The following DLGAP2 variants were observed in gnomAD, a reference collection of about 807,000 sequenced individuals.
DLGAP2 encodes the protein disks large-associated protein 2.
Under a neutral mutation model 100.3 loss-of-function variants are expected in DLGAP2, and 26 were observed. The ratio of observed to expected loss-of-function variants is 0.26; its 90% CI spans 0.19 to 0.36. The LOEUF is 0.36. Among genes scored for constraint, DLGAP2 ranks in the 10% least tolerant of loss-of-function variants. The probability of loss-of-function intolerance (pLI) is 1.00; values close to 1 mark genes in which losing one functional copy is unlikely to be tolerated. For synonymous variants in DLGAP2, 886 were observed against 630.1 expected (o/e 1.41, Z -6.08); for missense variants, 1,858 against 1,453.2 (o/e 1.28, Z -4.53).
chr8:1,603,250 G>A lies in DLGAP2; in HGVS notation c.1443-23490G>A, dbSNP rs574465620. Reference sequence around the variant, plus strand: ...GCTGGGTCTCAGTTCTACAGAGGCTGGTTAGAGTGGAGGCTGGGTCTCAGT... The same window carrying A: ...GCTGGGTCTCAGTTCTACAGAGGCTAGTTAGAGTGGAGGCTGGGTCTCAGT... On this transcript the variant is annotated intron_variant, in intron 6 of 14. Coordinates refer to ENST00000637795, the MANE Select transcript of DLGAP2 (RefSeq NM_001346810.2). Among the ~76,000 whole-genome samples the A allele has an allele frequency of 2.7e-3, 413 of 150,208 alleles. 2 individuals are homozygous for A. Among genetic ancestry groups the A allele is most frequent in the African/African-American group, 9.1e-3 (370 of 40,632 alleles).
At chr8:1,599,393 G>A (rs1254222946) in intron 6 of DLGAP2, among the ~76,000 whole-genome samples, 1 of 152,152 alleles carries the variant, frequency 6.6e-6, no homozygotes, top group Non-Finnish European at 1.5e-5. Flanking sequence ...TTGGTCCAGA[G>A]CTGAATTGAA....
At chr8:766,872 T>C (rs1179183336) in intron 1 of DLGAP2, among the ~76,000 whole-genome samples, 1 of 152,084 alleles carries the variant, frequency 6.6e-6, no homozygotes, top group African/African-American at 2.4e-5. Context: ...TTCTAGTTCC[T>C]TGGGTGGATG....
intron 6 of DLGAP2, among the ~76,000 whole-genome samples, chr8:1,575,872 G>T (rs987705054): frequency 2.0e-5 from 3 of 151,926 alleles, no homozygotes; most frequent in Non-Finnish European, 4.4e-5. Context: ...TATCATTGAT[G>T]GACATTTGGG....
At chr8:1,419,689 C>T (rs76083640) in intron 3 of DLGAP2, among the ~76,000 whole-genome samples, 8,995 of 152,152 alleles carry the variant, frequency 0.059, 851 homozygotes, top group African/African-American at 0.2. Flanking sequence ...GTTAGAATGG[C>T]GGTTACCAGA....
At chr8:794,813 T>A (rs1795991055) in intron 1 of DLGAP2, among the ~76,000 whole-genome samples, 2 of 152,110 alleles carry the variant, frequency 1.3e-5, no homozygotes, top group South Asian at 4.2e-4. Context: ...AGCTGCAGGA[T>A]GGGGTCCCTG....
At chr8:1,335,292 C>T (rs534322737) in intron 3 of DLGAP2, among the ~76,000 whole-genome samples, 5 of 152,300 alleles carry the variant, frequency 3.3e-5, no homozygotes, top group Non-Finnish European at 7.4e-5. Context: ...AATGAGGATG[C>T]TGCTGGAGAA....
At chr8:748,862 G>T (rs2132569469) in intron 1 of DLGAP2, among the ~76,000 whole-genome samples, 1 of 152,224 alleles carries the variant, frequency 6.6e-6, no homozygotes, top group East Asian at 1.9e-4. Context: ...CCTTTCGTTG[G>T]CTGCCAGATC....
intron 2 of DLGAP2, among the ~76,000 whole-genome samples, chr8:959,737 C>A (rs1799679290): frequency 6.6e-6 from 1 of 152,102 alleles, no homozygotes. Flanking sequence ...GGCTCAAGGG[C>A]AAATAGCTTG....
chr8:1,026,323 C>T (rs1801799298), intron 2 of DLGAP2, among the ~76,000 whole-genome samples: 1 of 152,194 alleles, frequency 6.6e-6, no homozygotes, highest in South Asian at 2.1e-4. Flanking sequence ...TCTCCTTTGA[C>T]AAACCACTGT....
chr8:1,531,630 G>C (rs1200824600), intron 4 of DLGAP2, among the ~76,000 whole-genome samples: 1 of 152,116 alleles, frequency 6.6e-6, no homozygotes, highest in Non-Finnish European at 1.5e-5. Context: ...AGATATATTA[G>C]TGTTTAGGAT....
intron 2 of DLGAP2, among the ~76,000 whole-genome samples, chr8:1,171,735 G>T (rs927319048): frequency 6.6e-6 from 1 of 151,592 alleles, no homozygotes; most frequent in African/African-American, 2.4e-5. Flanking sequence ...CCATTGGCTT[G>T]GTAGATCTTC....
At chr8:927,298 G>T (rs951999493) in intron 2 of DLGAP2, 1 of 921,410 alleles carries the variant, frequency 1.1e-6, no homozygotes, top group Non-Finnish European at 1.3e-6. Flanking sequence ...CTTCTGTGGC[G>T]ACTGTTTTCT....
intron 3 of DLGAP2, among the ~76,000 whole-genome samples, chr8:1,342,095 C>A (rs944195006): frequency 1.1e-4 from 17 of 152,056 alleles, no homozygotes; most frequent in African/African-American, 4.1e-4. Flanking sequence ...GGGCAACAGG[C>A]AGGTGCCCCT....
intron 6 of DLGAP2, among the ~76,000 whole-genome samples, chr8:1,578,950 A>T (rs896688205): frequency 2.0e-5 from 3 of 152,240 alleles, no homozygotes; most frequent in African/African-American, 7.2e-5. Flanking sequence ...AACTAATTGA[A>T]ATGCAAATTC....
At chr8:1,192,711 G>A (rs560562250) in intron 2 of DLGAP2, among the ~76,000 whole-genome samples, 5 of 149,732 alleles carry the variant, frequency 3.3e-5, no homozygotes, top group African/African-American at 9.9e-5. Context: ...TAGGGTACGT[G>A]TGCACAATGT....
Position 1,431,711 on chromosome 8 carries a change from G to A in DLGAP2, c.107-69655G>A, listed in dbSNP as rs182339392. 1.7e-3 allele frequency among the ~76,000 whole-genome samples: 252 copies of A among 152,286 alleles called. 1 individual carries two copies. Among genetic ancestry groups the A allele is most frequent in the African/African-American group, 5.7e-3 (236 of 41,564 alleles). On this transcript the variant is annotated intron_variant, in intron 3 of 14. Coordinates refer to ENST00000637795, the MANE Select transcript of DLGAP2 (RefSeq NM_001346810.2). Reference sequence around the variant, plus strand: ...GCGGAGTGGAGGCACTGGCTCCCGGGCTTACTCTCCTGGGCTATTGGGCAG... The same window carrying A: ...GCGGAGTGGAGGCACTGGCTCCCGGACTTACTCTCCTGGGCTATTGGGCAG...
chr8:799,529 G>A (rs906776288), intron 1 of DLGAP2, among the ~76,000 whole-genome samples: 6 of 152,158 alleles, frequency 3.9e-5, no homozygotes, highest in African/African-American at 9.7e-5. Flanking sequence ...ACCTAACAGC[G>A]TCCACATTAT....
At chr8:885,762 C>A (rs538016847) in intron 1 of DLGAP2, among the ~76,000 whole-genome samples, 1 of 152,078 alleles carries the variant, frequency 6.6e-6, no homozygotes, top group Non-Finnish European at 1.5e-5. Context: ...GTGGGTTTGT[C>A]GTAAATAGCT....
intron 1 of DLGAP2, among the ~76,000 whole-genome samples, chr8:851,486 G>A (rs548155661): frequency 7.8e-4 from 119 of 152,288 alleles, no homozygotes; most frequent in African/African-American, 2.7e-3. Context: ...TTAATAGGAA[G>A]CACCTATGTT....
Sources: allele counts gnomAD v4.1 joint callset (sites outside exome capture counted in the v4.1 genomes callset), GRCh38; gene constraint gnomAD v4.1.1; transcripts MANE v1.5; gene names NCBI Gene and HGNC (gene_info 2026-07-23, HGNC 2026-07-21).